BICC1: variants seen among roughly 807,000 people sequenced by gnomAD.
BICC1 encodes protein bicaudal C homolog 1.
Under a neutral mutation model 111.0 loss-of-function variants are expected in BICC1, and 43 were observed. The ratio of observed to expected loss-of-function variants is 0.39; its 90% CI spans 0.30 to 0.50. The LOEUF is 0.50. Ranked by LOEUF, BICC1 falls within the 20% of genes least tolerant of loss-of-function variation. BICC1 has a pLI of 0.88. For synonymous variants in BICC1, 467 were observed against 434.4 expected, an observed-to-expected ratio of 1.07 and a Z score of -0.93; for missense variants, 1,091 against 1,203.2, an observed-to-expected ratio of 0.91 and a Z score of 1.38.
chr10:58,807,130 A>G lies in BICC1; in HGVS notation c.2348A>G (p.Tyr783Cys), dbSNP rs769819010. 20 of 1,613,704 alleles carry G rather than the reference A, an allele frequency of 1.2e-5. No individual in the cohort carries two copies. Among genetic ancestry groups the G allele is most frequent in the Admixed American group, 5.0e-5 (3 of 59,958 alleles). The change falls in exon 17 of 21, where the codon TAT becomes TGT. Residue 783 changes from tyrosine (Y) to cysteine (C), a missense_variant. By Grantham distance (194) the Tyr-to-Cys change is radical. Around this residue, in one of 3 missense-constraint regions of BICC1, gnomAD observed 231 missense variants for 256.2 expected, o/e 0.90. Transcript: ENST00000373886. Reference sequence around the variant, plus strand: ...TTGAGAAGGGCCAATCATGTGTCCTATAAGCCCACAATGACAACCACTTAT... The same window carrying G: ...TTGAGAAGGGCCAATCATGTGTCCTGTAAGCCCACAATGACAACCACTTAT... ...KELRRANHVS[Y>C]KPTMTTTYEG...
Position 58,780,894 on chromosome 10 carries a change from C to T in BICC1, c.308-4107C>T, listed in dbSNP as rs530987198. Among the ~76,000 whole-genome samples the T allele has an allele frequency of 4.6e-5, 7 of 152,188 alleles. No individual in the cohort carries two copies. The East Asian group carries it at 5.8e-4, about 13-fold the overall frequency. ...ATATGGTTTTTAGCGGGTGTCCTTA[C>T]GACAATTGTTGCCTTGTTAAGTCCT... On this transcript the variant is annotated intron_variant, in intron 3 of 20. Transcript: ENST00000373886.
intron 3 of BICC1, among the ~76,000 whole-genome samples, chr10:58,744,940 C>G (rs936182946): frequency 4.6e-5 from 7 of 152,086 alleles, no homozygotes; most frequent in East Asian, 1.9e-4. Flanking sequence ...GAAAGATTGA[C>G]CCATGTTGAG....
intron 1 of BICC1, among the ~76,000 whole-genome samples, chr10:58,570,212 C>G (rs568299150): frequency 1.3e-5 from 2 of 152,156 alleles, no homozygotes; most frequent in South Asian, 2.1e-4. Flanking sequence ...TTTATTTGTT[C>G]TGATGAAGAG....
chr10:58,664,172 T>TC (rs1838934998), intron 2 of BICC1, among the ~76,000 whole-genome samples: 1 of 152,158 alleles, frequency 6.6e-6, no homozygotes, highest in Admixed American at 6.6e-5. Context: ...CATTTCAAAT[T>TC]CCCACCAGCA....
intron 2 of BICC1, among the ~76,000 whole-genome samples, chr10:58,672,239 C>T (rs1839206604): frequency 6.6e-6 from 1 of 152,124 alleles, no homozygotes; most frequent in African/African-American, 2.4e-5. Context: ...TAACAATAAT[C>T]ACCCATTTCT....
At chr10:58,743,192 G>C (rs1268048472) in intron 3 of BICC1, among the ~76,000 whole-genome samples, 2 of 152,150 alleles carry the variant, frequency 1.3e-5, no homozygotes, top group African/African-American at 2.4e-5. Context: ...CTGGAATGCA[G>C]AATTCATGGA....
chr10:58,579,971 ATT>A (rs67020311), intron 1 of BICC1, among the ~76,000 whole-genome samples: 69,917 of 149,184 alleles, frequency 0.47, 17,219 homozygotes, highest in Admixed American at 0.63. Context: ...TTTGCCCTAA[ATT>A]TTTTTTTTTT....
At chr10:58,810,752 C>T (rs1248006588) in intron 17 of BICC1, among the ~76,000 whole-genome samples, 2 of 152,158 alleles carry the variant, frequency 1.3e-5, no homozygotes, top group Non-Finnish European at 2.9e-5. Flanking sequence ...CACATCTATG[C>T]TTATGGCACT....
intron 1 of BICC1, among the ~76,000 whole-genome samples, chr10:58,552,854 G>GT (rs1467434794): frequency 2.0e-5 from 3 of 152,074 alleles, no homozygotes; most frequent in South Asian, 2.1e-4. Context: ...TCCTTGTGAC[G>GT]TTTTTTAAAC....
chr10:58,687,878 G>A (rs1051375502), intron 2 of BICC1, among the ~76,000 whole-genome samples: 4 of 152,294 alleles, frequency 2.6e-5, no homozygotes, highest in Non-Finnish European at 2.9e-5. Flanking sequence ...ACAAGCCCCA[G>A]TGAGATGAAC....
At chr10:58,746,281 C>G (rs546468876) in intron 3 of BICC1, among the ~76,000 whole-genome samples, 4 of 152,110 alleles carry the variant, frequency 2.6e-5, no homozygotes, top group African/African-American at 9.7e-5. Context: ...TGAGCAAAGA[C>G]TTAAAACAAT....
At chr10:58,564,941 TACTC>T (rs1243503458) in intron 1 of BICC1, among the ~76,000 whole-genome samples, 7 of 152,320 alleles carry the variant, frequency 4.6e-5, no homozygotes, top group African/African-American at 1.4e-4. Context: ...AAGAAGGAAT[TACTC>T]AAGAATATGA....
chr10:58,728,870 T>C (rs536195105), intron 3 of BICC1, among the ~76,000 whole-genome samples: 1 of 152,186 alleles, frequency 6.6e-6, no homozygotes, highest in Non-Finnish European at 1.5e-5. Context: ...ATTTTGTTTT[T>C]TATTTTAATA....
intron 1 of BICC1, among the ~76,000 whole-genome samples, chr10:58,564,242 ATTGT>A: frequency 6.6e-6 from 1 of 152,076 alleles, no homozygotes; most frequent in Admixed American, 6.6e-5. Flanking sequence ...GCTCTCATTT[ATTGT>A]TTATTTTCCA....
chr10:58,668,407 A>T (rs1025256690), intron 2 of BICC1, among the ~76,000 whole-genome samples: 1 of 152,056 alleles, frequency 6.6e-6, no homozygotes. Context: ...TTCCAGATGA[A>T]TTCACAGTGC....
intron 1 of BICC1, among the ~76,000 whole-genome samples, chr10:58,538,663 A>T (rs1328417455): frequency 6.6e-6 from 1 of 152,004 alleles, no homozygotes; most frequent in Non-Finnish European, 1.5e-5. Context: ...CATTAAATAG[A>T]CAACCTACAG....
At chr10:58,786,808 T>C (rs1257069509) in intron 4 of BICC1, 115 bp from the exon 5 acceptor site, 2 of 606,078 alleles carry the variant, frequency 3.3e-6, no homozygotes, top group Admixed American at 4.0e-5. Flanking sequence ...TATTAAGAAA[T>C]AAGATTTCCC....
intron 1 of BICC1, among the ~76,000 whole-genome samples, chr10:58,592,512 A>G (rs1689041766): frequency 1.3e-5 from 2 of 151,726 alleles, no homozygotes; most frequent in African/African-American, 4.8e-5. Flanking sequence ...GGAGATCGAG[A>G]CCATCCTGGC....
Position 58,744,434 on chromosome 10 carries a change from T to A in BICC1, c.308-40567T>A, listed in dbSNP as rs568323988. Among the ~76,000 whole-genome samples the A allele has an allele frequency of 4.1e-3, 624 of 151,806 alleles. 5 individuals carry two copies. Among genetic ancestry groups the A allele is most frequent in the Middle Eastern group, 0.01 (3 of 288 alleles). ...TCATTTGTTAAAAGATATGATTTTTTTTAAAAAAATAGCTTTCATGCATGC... is the reference window on the plus strand; with the variant it reads ...TCATTTGTTAAAAGATATGATTTTTATTAAAAAAATAGCTTTCATGCATGC... On this transcript the variant is annotated intron_variant, in intron 3 of 20. Transcript: ENST00000373886.
Sources: gnomAD v4.1 joint callset for allele counts (sites outside exome capture counted in the v4.1 genomes callset) on GRCh38, gnomAD v4.1.1 for gene constraint, gnomAD v4.1.1 regional missense constraint, MANE v1.5 for transcripts, NCBI Gene and HGNC (gene_info 2026-07-23, HGNC 2026-07-21) for gene names.